Variants in ADPGK observed in about 807,000 individuals in gnomAD.
ADPGK encodes the protein ADP-dependent glucokinase.
A neutral mutation model predicts 42.4 loss-of-function variants in ADPGK; 26 were observed. The observed-to-expected ratio is 0.61, with a 90% CI of 0.45 to 0.85. ADPGK has a LOEUF of 0.85. Ranked by LOEUF, ADPGK falls within the 40% of genes least tolerant of loss-of-function variation. The probability of loss-of-function intolerance (pLI) is 0.00; values close to 1 mark genes in which losing one functional copy is unlikely to be tolerated. For synonymous variants in ADPGK, 267 were observed against 252.6 expected (o/e 1.06, Z -0.54); for missense variants, 571 against 627.0 (o/e 0.91, Z 0.95).
chr15:72,770,232 T>C (rs2066312463), intron 3 of ADPGK, among the ~76,000 whole-genome samples: 1 of 152,228 alleles, frequency 6.6e-6, no homozygotes. Context: ...CATAAGACTG[T>C]TGTGAGGATT....
chr15:72,774,284 A>C (rs545801374), intron 2 of ADPGK, among the ~76,000 whole-genome samples: 1 of 152,306 alleles, frequency 6.6e-6, no homozygotes, highest in African/African-American at 2.4e-5. Flanking sequence ...TTAAATGAGG[A>C]GGAAGAATGG....
intron 3 of ADPGK, among the ~76,000 whole-genome samples, chr15:72,760,917 A>G (rs888741816): frequency 6.6e-6 from 1 of 152,172 alleles, no homozygotes; most frequent in Non-Finnish European, 1.5e-5. Flanking sequence ...AAGGTAATTA[A>G]TATGAAATGA....
intron 4 of ADPGK, among the ~76,000 whole-genome samples, chr15:72,759,202 C>T (rs573716760): frequency 3.6e-4 from 55 of 152,322 alleles, no homozygotes; most frequent in African/African-American, 1.2e-3. Context: ...TCACAAAGTT[C>T]TGGGATTACA....
At chr15:72,762,674 C>G (rs552722299) in intron 3 of ADPGK, among the ~76,000 whole-genome samples, 1 of 152,224 alleles carries the variant, frequency 6.6e-6, no homozygotes, top group East Asian at 1.9e-4. Flanking sequence ...CAATAAAGGA[C>G]GATCCCTAAA....
rs1333976001 is a variant in ADPGK, at chr15:72,752,402, C to G, written c.1433G>C (p.Gly478Ala). The change falls in exon 7 of 7, where the codon GGC (glycine) becomes GCC (alanine). Residue 478 changes from glycine (G) to alanine (A), a missense_variant. Around this residue, in one of 2 missense-constraint regions of ADPGK, gnomAD observed 434 missense variants for 522.7 expected, o/e 0.83. Coordinates refer to ENST00000456471, the MANE Select transcript of ADPGK (RefSeq NM_001365225.1). ...LVCKDPIRTVGLGDAISAEGL... is the reference protein window; with the variant it reads ...LVCKDPIRTVALGDAISAEGL... ...TTCGGCTGAAATGGCATCTCCAAGGCCTACAGTTCGAATGGGGTCTTTACA... is the reference window on the plus strand; with the variant it reads ...TTCGGCTGAAATGGCATCTCCAAGGGCTACAGTTCGAATGGGGTCTTTACA... 1 of 1,614,066 alleles carries G rather than the reference C, an allele frequency of 6.2e-7. No individual in the cohort carries two copies. The highest frequency in any genetic ancestry group is 8.5e-7 in the Non-Finnish European group (1 of 1,180,046).
At chr15:72,767,317 G>T (rs972502287) in intron 3 of ADPGK, among the ~76,000 whole-genome samples, 5 of 148,856 alleles carry the variant, frequency 3.4e-5, no homozygotes, top group African/African-American at 1.2e-4. Context: ...AAAGGAAATA[G>T]ACAAGTATCC....
intron 4 of ADPGK, 79 bp downstream of exon 4, chr15:72,760,328 T>G (rs994525092): frequency 7.0e-7 from 1 of 1,437,170 alleles, no homozygotes; most frequent in East Asian, 2.4e-5. Context: ...AAGATAAATT[T>G]CCGGCACAGT....
At position 72,775,018 on chromosome 15, in the gene ADPGK, C is replaced by A. The variant is rs781583986; in HGVS notation, c.313G>T (p.Asp105Tyr). The change falls in exon 2 of 7, where the codon GAT (aspartate) becomes TAT (tyrosine). Residue 105 changes from aspartate (D) to tyrosine (Y), a missense_variant. Around this residue, in one of 2 missense-constraint regions of ADPGK, gnomAD observed 434 missense variants for 522.7 expected, o/e 0.83. Transcript: ENST00000456471. The stretch of plus-strand genomic sequence containing the variant: ...TTCCTTGAATGCAGAATGCTGTGAT[C>A]TTTCCCATTCCCAGGACTAAGGCCA... ...ALGLSPGNGK[D>Y]HSILHSRNDL... 6.2e-7 allele frequency: 1 copy of A among 1,614,066 alleles called. No individual in the cohort carries two copies. The highest frequency in any genetic ancestry group is 2.2e-5 in the East Asian group (1 of 44,900).
chr15:72,783,731 C>G lies in ADPGK; in HGVS notation c.-40G>C, dbSNP rs1482497654. On this transcript the variant is annotated 5_prime_UTR_variant, in exon 1 of 7. Transcript: ENST00000456471. Reference sequence around the variant, plus strand: ...CGCACCTGCGCGAACCAACTCCTTTCCTAGCCCGCGCCTCTTCCGGGCTCG... The same window carrying G: ...CGCACCTGCGCGAACCAACTCCTTTGCTAGCCCGCGCCTCTTCCGGGCTCG... 8.5e-6 allele frequency: 12 copies of G among 1,415,780 alleles called. No homozygotes were observed. The highest frequency in any genetic ancestry group is 1.1e-5 in the Non-Finnish European group (12 of 1,089,170). The allele number at this position is 1,415,780 out of a possible 1,614,324, so 87.7% of individuals were successfully genotyped here. A position where few individuals can be genotyped will look rare whatever the true frequency, so the allele number is the denominator to read the frequency against.
intron 5 of ADPGK, chr15:72,755,872 G>C (rs2066106188): frequency 1.2e-5 from 8 of 660,564 alleles, no homozygotes; most frequent in Non-Finnish European, 2.0e-5. Flanking sequence ...CAGGGATACA[G>C]AATCAGAGAT....
chr15:72,762,507 C>G (rs541187523), intron 3 of ADPGK, among the ~76,000 whole-genome samples: 106 of 152,304 alleles, frequency 7.0e-4, no homozygotes, highest in African/African-American at 2.5e-3. Flanking sequence ...AAGTCTTGCC[C>G]CAACCACTTT....
At chr15:72,769,533 G>C (rs2066303368) in intron 3 of ADPGK, among the ~76,000 whole-genome samples, 1 of 152,178 alleles carries the variant, frequency 6.6e-6, no homozygotes, top group Non-Finnish European at 1.5e-5. Context: ...TTTTAGCTAA[G>C]ACAGGGTTTC....
chr15:72,756,373 T>G lies in ADPGK; in HGVS notation c.718A>C (p.Met240Leu). The G allele has an allele frequency of 6.2e-7, 1 of 1,614,204 alleles. No individual in the cohort carries two copies. The highest frequency in any genetic ancestry group is 8.5e-7 in the Non-Finnish European group (1 of 1,180,042). The change falls in exon 5 of 7, where the codon ATG becomes CTG. Residue 240 changes from methionine to leucine, a missense_variant. Transcript: ENST00000456471. ...GACACAAACACCTCCAGCATATTCA[T>G]GGCCCCGTTGGAGAGGTCGTGAGAG... Reference protein sequence around the residue: ...IFSHDLSNGAMNMLEVFVSSL... With the variant: ...IFSHDLSNGALNMLEVFVSSL...
chr15:72,782,752 G>A (rs1289368077), intron 1 of ADPGK: 1 of 152,118 alleles, frequency 6.6e-6, no homozygotes. Flanking sequence ...ATTACGGCAA[G>A]AAAGTCAAAT....
chr15:72,753,987 T>A (rs527578057), intron 6 of ADPGK, among the ~76,000 whole-genome samples: 18 of 151,692 alleles, frequency 1.2e-4, no homozygotes, highest in Non-Finnish European at 2.4e-4. Flanking sequence ...CTGCTGGTAG[T>A]TGGGGAGGCT....
At chr15:72,768,852 C>T (rs1383316366) in intron 3 of ADPGK, among the ~76,000 whole-genome samples, 1 of 151,658 alleles carries the variant, frequency 6.6e-6, no homozygotes, top group Non-Finnish European at 1.5e-5. Context: ...TGTCTGCAAT[C>T]CTAAATACTC....
chr15:72,773,817 T>C (rs2066356610), intron 2 of ADPGK, among the ~76,000 whole-genome samples: 1 of 152,260 alleles, frequency 6.6e-6, no homozygotes, highest in African/African-American at 2.4e-5. Context: ...AGCTAGGTAA[T>C]GCCTATGTCC....
At position 72,752,544 on chromosome 15, in the gene ADPGK, G is replaced by A. The variant is rs2066059177; in HGVS notation, c.1291C>T (p.Gln431Ter). The change falls in exon 7 of 7, where the codon CAA becomes TAA. Residue 431 changes from glutamine (Q) to a stop codon, truncating the protein, a stop_gained. Transcript: ENST00000456471. LOFTEE classifies it high-confidence loss of function. ...TCCGAATGGGAAGTCATGAACTCTT[G>A]GGGTGCCCTCAGAGACACTCGGCTG... ...DTSRVSLRAPQEFMTSHSEAG... is the reference protein window; with the variant it reads ...DTSRVSLRAP 6.2e-7 allele frequency: 1 copy of A among 1,614,170 alleles called. No homozygotes were observed. The highest frequency in any genetic ancestry group is 1.3e-5 in the African/African-American group (1 of 75,022).
rs139225240 is a variant in ADPGK at position 72,759,378 on chromosome 15, TGTAGCATTAA to T, written c.643+1019_643+1028del. Among the ~76,000 whole-genome samples the T allele has an allele frequency of 3.7e-3, 570 of 152,366 alleles. 1 individual carries two copies. The highest frequency in any genetic ancestry group is 0.013 in the African/African-American group (552 of 41,590). ...TAAAGCTGAGAAACTCAAAAACTTG[TGTAGCATTAA>T]GTATGAATTGCCTACGTCAACGCTG... On this transcript the variant is annotated intron_variant, in intron 4 of 6. Coordinates refer to ENST00000456471, the MANE Select transcript of ADPGK (RefSeq NM_001365225.1).
Sources: allele counts gnomAD v4.1 joint callset (sites outside exome capture counted in the v4.1 genomes callset), GRCh38; gene constraint gnomAD v4.1.1; regional missense constraint gnomAD v4.1.1; transcripts MANE v1.5; gene names NCBI Gene and HGNC (gene_info 2026-07-23, HGNC 2026-07-21).